ALG9: variants seen among roughly 807,000 people sequenced by gnomAD.
ALG9 encodes the protein ALG9 alpha-1,2-mannosyltransferase.
Under a neutral mutation model 81.8 loss-of-function variants are expected in ALG9, and 55 were observed. That is an observed-to-expected ratio of 0.67 (90% CI 0.54 to 0.84). The LOEUF (loss-of-function observed/expected upper bound fraction) is 0.84. ALG9 is among the 40% of genes least tolerant of loss of function. The probability of loss-of-function intolerance (pLI) is 0.00; values close to 1 mark genes in which losing one functional copy is unlikely to be tolerated. For missense variants in ALG9, 629 were observed against 745.0 expected (o/e 0.84, Z 1.81); for synonymous variants, 278 against 274.3 (o/e 1.01, Z -0.13).
At chr11:111,768,293 C>T in the ALG9 span, among the ~76,000 whole-genome samples, 1 of 152,124 alleles carries the variant, frequency 6.6e-6, no homozygotes, top group Middle Eastern at 3.2e-3. Context: ...CAAAATACAT[C>T]ATTTGTCACG....
Position 111,784,292 on chromosome 11 carries a change from C to T in ALG9, c.*2105G>A, listed in dbSNP as rs1221710793. 6.6e-6 allele frequency: 1 copy of T among 152,252 alleles called. No homozygotes were observed. Among genetic ancestry groups the T allele is most frequent in the African/African-American group, 2.4e-5 (1 of 41,462 alleles). 9.4% of individuals were successfully genotyped at this position (152,252 alleles called of 1,614,324 possible). Reference sequence around the variant, plus strand: ...CTATTACCTCTCCAGCGCTTCAACTCCGTCTCTGATATTCCTGCAGAGGAG... The same window carrying T: ...CTATTACCTCTCCAGCGCTTCAACTTCGTCTCTGATATTCCTGCAGAGGAG... On this transcript the variant is annotated 3_prime_UTR_variant, in exon 15 of 15. Coordinates refer to ENST00000616540, the MANE Select transcript of ALG9 (RefSeq NM_024740.2).
downstream of ALG9, among the ~76,000 whole-genome samples, chr11:111,781,196 G>A (rs1945917195): frequency 6.6e-6 from 1 of 152,202 alleles, no homozygotes; most frequent in Non-Finnish European, 1.5e-5. Context: ...AGGGCATCTG[G>A]GGTCCTATAG....
intron 4 of ALG9, chr11:111,864,570 T>C (rs1249841984): frequency 3.6e-6 from 2 of 556,046 alleles, no homozygotes; most frequent in African/African-American, 3.8e-5. Context: ...GCACATGTGC[T>C]GTAATATACG....
At chr11:111,852,360 C>T (rs1390708340) in intron 8 of ALG9, among the ~76,000 whole-genome samples, 1 of 152,162 alleles carries the variant, frequency 6.6e-6, no homozygotes, top group Admixed American at 6.5e-5. Flanking sequence ...GTAACTAACG[C>T]AAATTCCTTC....
chr11:111,851,820 G>C (rs543220406), intron 8 of ALG9, among the ~76,000 whole-genome samples: 87 of 152,250 alleles, frequency 5.7e-4, no homozygotes, highest in African/African-American at 2.0e-3. Flanking sequence ...CCTAGCTAAA[G>C]GGAGACATCT....
the ALG9 span, among the ~76,000 whole-genome samples, chr11:111,776,978 A>G: frequency 5.3e-4 from 80 of 152,338 alleles, no homozygotes; most frequent in Non-Finnish European, 4.4e-5. Context: ...CATCTGAAGG[A>G]CAGAACCTTG....
chr11:111,835,811 C>T (rs1480278252), intron 13 of ALG9, among the ~76,000 whole-genome samples: 3 of 152,126 alleles, frequency 2.0e-5, no homozygotes, highest in Non-Finnish European at 2.9e-5. Flanking sequence ...AGTGCAGTAG[C>T]GGAATCATGG....
chr11:111,870,189 G>A, intron 2 of ALG9, 43 bp downstream of exon 2: 1 of 1,596,734 alleles, frequency 6.3e-7, no homozygotes, highest in Non-Finnish European at 8.5e-7. Context: ...CACCTATGCT[G>A]CAAAATCAAG....
chr11:111,777,379 T>C (rs1802389172), downstream of ALG9, among the ~76,000 whole-genome samples: 1 of 152,188 alleles, frequency 6.6e-6, no homozygotes, highest in Non-Finnish European at 1.5e-5. Flanking sequence ...ATGAAGATAT[T>C]TCAACTTACA....
intron 14 of ALG9, among the ~76,000 whole-genome samples, chr11:111,808,854 G>A (rs1241829694): frequency 6.6e-6 from 1 of 152,128 alleles, no homozygotes; most frequent in Non-Finnish European, 1.5e-5. Flanking sequence ...TCCCTTATCT[G>A]AATGCCTGAT....
intron 4 of ALG9, among the ~76,000 whole-genome samples, chr11:111,861,340 T>C (rs748841134): frequency 1.6e-4 from 25 of 152,260 alleles, no homozygotes; most frequent in Non-Finnish European, 3.4e-4. Flanking sequence ...CCTTACTGCA[T>C]TTCAGAGCTT....
intron 13 of ALG9, among the ~76,000 whole-genome samples, chr11:111,813,596 T>G (rs782182723): frequency 6.6e-6 from 1 of 152,068 alleles, no homozygotes; most frequent in Non-Finnish European, 1.5e-5. Flanking sequence ...AGAAGATATA[T>G]GTAATACATT....
At chr11:111,834,379 A>T (rs1218166195) in intron 13 of ALG9, among the ~76,000 whole-genome samples, 1 of 152,168 alleles carries the variant, frequency 6.6e-6, no homozygotes, top group Non-Finnish European at 1.5e-5. Flanking sequence ...AAACAATAAA[A>T]AGAAGGAAGG....
chr11:111,813,426 A>C (rs1951025196), intron 13 of ALG9, among the ~76,000 whole-genome samples: 4 of 152,196 alleles, frequency 2.6e-5, no homozygotes, highest in Admixed American at 1.3e-4. Context: ...AAATAGTGAG[A>C]TCCCATCTCT....
chr11:111,869,030 G>A (rs1963425680), intron 2 of ALG9, among the ~76,000 whole-genome samples: 1 of 152,136 alleles, frequency 6.6e-6, no homozygotes, highest in African/African-American at 2.4e-5. Context: ...GCTAAGCCAG[G>A]AGAATCACTT....
intron 4 of ALG9, among the ~76,000 whole-genome samples, chr11:111,861,430 G>C (rs1960073680): frequency 6.6e-6 from 1 of 151,928 alleles, no homozygotes; most frequent in East Asian, 1.9e-4. Flanking sequence ...GATAAATTCC[G>C]TTTTTTTGGT....
At chr11:111,770,291 T>A in the ALG9 span, among the ~76,000 whole-genome samples, 1 of 152,198 alleles carries the variant, frequency 6.6e-6, no homozygotes, top group Admixed American at 6.5e-5. Flanking sequence ...GTGATTCTAG[T>A]GTGCATTGAT....
At chr11:111,862,153 C>T (rs1293496076) in intron 4 of ALG9, among the ~76,000 whole-genome samples, 1 of 151,996 alleles carries the variant, frequency 6.6e-6, no homozygotes, top group Non-Finnish European at 1.5e-5. Flanking sequence ...CCGAATATTG[C>T]CTCTCCGCAT....
chr11:111,870,462 A>T (rs1555157520), intron 1 of ALG9, 92 bp from the exon 2 acceptor site: 17 of 1,428,198 alleles, frequency 1.2e-5, no homozygotes, highest in African/African-American at 1.5e-5. Context: ...AAGGACAAAA[A>T]GGGCAAGGGA....
Sources: allele counts gnomAD v4.1 joint callset (sites outside exome capture counted in the v4.1 genomes callset), GRCh38; gene constraint gnomAD v4.1.1; transcripts MANE v1.5; gene names NCBI Gene and HGNC (gene_info 2026-07-23, HGNC 2026-07-21).